The following DUSP14 variants were observed in gnomAD, a reference collection of about 807,000 sequenced individuals.
The protein encoded by DUSP14 is dual specificity protein phosphatase 14.
In DUSP14, 5 loss-of-function variants were observed where a neutral mutation model predicts 13.2. That is an observed-to-expected ratio of 0.38 (90% CI 0.20 to 0.80). DUSP14 has a LOEUF of 0.80. Among genes scored for constraint, DUSP14 ranks in the 30% least tolerant of loss-of-function variants. The pLI, the probability that DUSP14 is intolerant of heterozygous loss-of-function variation, is 0.44. For missense variants in DUSP14, 185 were observed against 264.0 expected (o/e 0.70, Z 2.07); for synonymous variants, 91 against 103.4 (o/e 0.88, Z 0.73).
upstream of DUSP14, among the ~76,000 whole-genome samples, chr17:37,488,987 T>C (rs2054006867): frequency 6.6e-6 from 1 of 152,176 alleles, no homozygotes; most frequent in South Asian, 2.1e-4. Flanking sequence ...GAGTCAGGAC[T>C]CTTAGGTGCC....
upstream of DUSP14, among the ~76,000 whole-genome samples, chr17:37,489,666 G>A (rs937525938): frequency 2.0e-5 from 3 of 151,890 alleles, no homozygotes; most frequent in Admixed American, 2.0e-4. Context: ...ACGGAGGAGC[G>A]CTCTAGGGGA....
intron 1 of DUSP14, among the ~76,000 whole-genome samples, chr17:37,503,325 C>T (rs997747020): frequency 6.6e-6 from 1 of 152,180 alleles, no homozygotes; most frequent in Non-Finnish European, 1.5e-5. Flanking sequence ...CGTGAGGAGG[C>T]TGAGGTGGGA....
intron 1 of DUSP14, among the ~76,000 whole-genome samples, chr17:37,493,860 G>A (rs1414392460): frequency 6.6e-6 from 1 of 151,930 alleles, no homozygotes; most frequent in East Asian, 1.9e-4. Flanking sequence ...AGGAACCCAG[G>A]CCTATCCTTG....
At chr17:37,498,314 C>CTTTTTT (rs765033929) in intron 1 of DUSP14, among the ~76,000 whole-genome samples, 14 of 70,562 alleles carry the variant, frequency 2.0e-4, no homozygotes, top group African/African-American at 3.5e-4. Flanking sequence ...TAGATTGTAT[C>CTTTTTT]TTTTTTTTTT....
At chr17:37,499,107 G>A (rs927853882) in intron 1 of DUSP14, among the ~76,000 whole-genome samples, 2 of 152,272 alleles carry the variant, frequency 1.3e-5, no homozygotes, top group Non-Finnish European at 2.9e-5. Context: ...CATTGCTGGG[G>A]AGGCCTCAGG....
chr17:37,498,102 T>C (rs2054077853), intron 1 of DUSP14, among the ~76,000 whole-genome samples: 1 of 152,088 alleles, frequency 6.6e-6, no homozygotes, highest in Admixed American at 6.6e-5. Flanking sequence ...CTGTCACATA[T>C]GTTCTATGTT....
At chr17:37,502,845 C>G (rs1472341145) in intron 1 of DUSP14, among the ~76,000 whole-genome samples, 2 of 152,026 alleles carry the variant, frequency 1.3e-5, no homozygotes, top group African/African-American at 4.8e-5. Flanking sequence ...GCTCTGGCCT[C>G]GGAAGCATCA....
At chr17:37,507,443 G>T (rs756473935) in intron 1 of DUSP14, among the ~76,000 whole-genome samples, 14 of 152,324 alleles carry the variant, frequency 9.2e-5, no homozygotes, top group Admixed American at 3.3e-4. Flanking sequence ...CCTCAGGAAG[G>T]CAAGTGGCTT....
chr17:37,489,119 A>T (rs1233252203), upstream of DUSP14, among the ~76,000 whole-genome samples: 1 of 152,166 alleles, frequency 6.6e-6, no homozygotes, highest in Non-Finnish European at 1.5e-5. Flanking sequence ...GACTTATGTT[A>T]CAGATGGGCA....
intron 1 of DUSP14, among the ~76,000 whole-genome samples, chr17:37,494,657 G>A (rs907571254): frequency 6.6e-6 from 1 of 152,230 alleles, no homozygotes; most frequent in Admixed American, 6.5e-5. Context: ...GGAGAGGTGG[G>A]CAGTTCACCT....
intron 1 of DUSP14, among the ~76,000 whole-genome samples, chr17:37,506,933 C>G (rs889587578): frequency 6.6e-6 from 1 of 152,168 alleles, no homozygotes; most frequent in South Asian, 2.1e-4. Context: ...GGCAGATCCA[C>G]ACCCCCCCGC....
chr17:37,511,216 TG>T (rs2054182494), intron 2 of DUSP14, among the ~76,000 whole-genome samples: 1 of 152,096 alleles, frequency 6.6e-6, no homozygotes, highest in African/African-American at 2.4e-5. Flanking sequence ...TCAAATTGCC[TG>T]GGATTATTTC....
intron 1 of DUSP14, among the ~76,000 whole-genome samples, chr17:37,509,100 A>C (rs1236037513): frequency 1.6e-5 from 1 of 63,398 alleles, no homozygotes; most frequent in Non-Finnish European, 2.7e-5. Context: ...AAAAAAAAAA[A>C]ACCCATATAT....
chr17:37,509,136 C>T (rs1337722381), intron 1 of DUSP14, among the ~76,000 whole-genome samples: 6,732 of 30,946 alleles, frequency 0.22, 1,349 homozygotes, highest in East Asian at 0.77. Context: ...TATACACACA[C>T]ACACACACAC....
intron 2 of DUSP14, among the ~76,000 whole-genome samples, chr17:37,511,367 G>A (rs1037913686): frequency 6.6e-6 from 1 of 151,968 alleles, no homozygotes; most frequent in Non-Finnish European, 1.5e-5. Flanking sequence ...TGCAACCTCC[G>A]CCTCCCAGGT....
chr17:37,499,962 C>T (rs1352827035), intron 1 of DUSP14, among the ~76,000 whole-genome samples: 1 of 152,240 alleles, frequency 6.6e-6, no homozygotes, highest in Non-Finnish European at 1.5e-5. Context: ...TGGGACCCCT[C>T]TCGTTCAGCT....
intron 1 of DUSP14, among the ~76,000 whole-genome samples, chr17:37,504,113 G>A (rs1415667472): frequency 6.6e-6 from 1 of 152,194 alleles, no homozygotes; most frequent in African/African-American, 2.4e-5. Flanking sequence ...AGAATCACTT[G>A]AACCCGGGAG....
chr17:37,510,219 C>G (rs1031911898), intron 1 of DUSP14: 1 of 152,308 alleles, frequency 6.6e-6, no homozygotes, highest in Admixed American at 6.5e-5. Context: ...TGTGTTCAGG[C>G]ACAGGGCTGC....
chr17:37,502,386 A>G (rs1391228492), intron 1 of DUSP14, among the ~76,000 whole-genome samples: 1 of 146,576 alleles, frequency 6.8e-6, no homozygotes, highest in Admixed American at 6.9e-5. Flanking sequence ...GTCTTCTCAC[A>G]TTGCTTCAGT....
Sources: gnomAD v4.1 joint callset for allele counts (sites outside exome capture counted in the v4.1 genomes callset) on GRCh38, gnomAD v4.1.1 for gene constraint, MANE v1.5 for transcripts, NCBI Gene and HGNC (gene_info 2026-07-23, HGNC 2026-07-21) for gene names.